Variants in MAPK7 observed in about 807,000 individuals in gnomAD.
MAPK7 encodes the protein BMK-1.
MAPK7 carries 30 observed loss-of-function variants against 56.9 expected under a neutral mutation model. The ratio of observed to expected loss-of-function variants is 0.53; its 90% CI spans 0.39 to 0.72. The LOEUF (loss-of-function observed/expected upper bound fraction) is 0.72, where lower values mean the gene tolerates loss of function less well. Among genes scored for constraint, MAPK7 ranks in the 30% least tolerant of loss-of-function variants. MAPK7 has a pLI of 0.00. For synonymous variants in MAPK7, 516 were observed against 449.3 expected, an observed-to-expected ratio of 1.15 and a Z score of -1.88; for missense variants, 952 against 1,110.8, an observed-to-expected ratio of 0.86 and a Z score of 2.03.
At chr17:19,379,471 G>A in intron 2 of MAPK7, 2 of 556,552 alleles carry the variant, frequency 3.6e-6, no homozygotes. Flanking sequence ...TGAGGTCTGA[G>A]ATGGAGAGGG....
intron 2 of MAPK7, chr17:19,379,481 G>GTGTA (rs1245909574): frequency 3.6e-6 from 2 of 556,464 alleles, no homozygotes; most frequent in Non-Finnish European, 6.4e-6. Context: ...GATGGAGAGG[G>GTGTA]TGTAGGCATA....
In MAPK7 at chr17:19,380,595, C is replaced by T. The variant is rs369337118; in HGVS notation, c.399-13C>T. On this transcript the variant is annotated splice_polypyrimidine_tract_variant and intron_variant, in intron 3 of 6. Transcript: ENST00000395604. Reference sequence around the variant, plus strand: ...AGGCCAACCCATGCTTCTCTCCTTCCTTCCCCTTCCAGCTACGTGGTCCTG... The same window carrying T: ...AGGCCAACCCATGCTTCTCTCCTTCTTTCCCCTTCCAGCTACGTGGTCCTG... 2.5e-5 allele frequency: 40 copies of T among 1,580,352 alleles called. No individual in the cohort carries two copies. The highest frequency in any genetic ancestry group is 3.5e-5 in the Non-Finnish European group (40 of 1,158,860).
Position 19,383,102 on chromosome 17 carries a change from A to G in MAPK7, c.2322A>G (p.Ser774=), listed in dbSNP as rs1912864400. 1 of 1,614,060 alleles carries G rather than the reference A, an allele frequency of 6.2e-7. No homozygotes were observed. Among genetic ancestry groups the G allele is most frequent in the Admixed American group, 1.7e-5 (1 of 60,010 alleles). The change falls in exon 7 of 7, where the codon TCA becomes TCG. Residue 774 remains serine, a synonymous_variant. Coordinates refer to ENST00000395604, the MANE Select transcript of MAPK7 (RefSeq NM_002749.4). ...GCCAGGCAGATTCAGCCTCTCTCTC[A>G]GCCTCCCTGCTTGCTGACTGGCTCG... ...QDGQADSASL[S]ASLLADWLEG...
intron 3 of MAPK7, 172 bp from the exon 4 acceptor site, chr17:19,380,436 C>T (rs747097342): frequency 7.8e-6 from 11 of 1,407,086 alleles, no homozygotes; most frequent in Middle Eastern, 3.7e-4. Context: ...ATGGAAAAGT[C>T]GTAGAGAATC....
Position 19,381,954 on chromosome 17 carries a change from C to T in MAPK7, c.1651C>T (p.Pro551Ser), listed in dbSNP as rs144954037. 1.6e-3 allele frequency: 2,546 copies of T among 1,551,746 alleles called. 27 individuals carry two copies. In the African/African-American group the frequency reaches 0.028, roughly 17 times the overall value. The change falls in exon 5 of 7, where the codon CCC (proline) becomes TCC (serine). Residue 551 changes from proline to serine, a missense_variant. By Grantham distance (74) the Pro-to-Ser change is moderately conservative. Around this residue, in one of 5 missense-constraint regions of MAPK7, gnomAD observed 429 missense variants for 533.0 expected, o/e 0.80. Transcript: ENST00000395604. The surrounding 1 kb of genome is among the most constrained non-coding windows in gnomAD (Gnocchi z 4.6). The stretch of plus-strand genomic sequence containing the variant: ...ACGGGGGGCTGGGGCCTCTGGGGGC[C>T]CCTCCACTGACCCCTTGGCTGGACT... ...KERGAGASGGPSTDPLAGLVL... is the reference protein window; with the variant it reads ...KERGAGASGGSSTDPLAGLVL...
rs777031914 is a variant in MAPK7 at position 19,381,265 on chromosome 17, T to C, written c.1056T>C (p.Asp352=). The C allele has an allele frequency of 2.3e-5, 37 of 1,614,066 alleles. No homozygotes were observed. The East Asian group carries it at 8.0e-4, about 35-fold the overall frequency. ...ACCCTTTCCTGGCCAAGTACCATGATCCTGATGATGAGCCTGACTGTGCCC... is the reference window on the plus strand; with the variant it reads ...ACCCTTTCCTGGCCAAGTACCATGACCCTGATGATGAGCCTGACTGTGCCC... ...LRHPFLAKYH[D]PDDEPDCAPP... is the part of the protein sequence containing the mutation. The change falls in exon 4 of 7, where the codon GAT becomes GAC. Residue 352 remains aspartate, a synonymous_variant. Coordinates refer to ENST00000395604, the MANE Select transcript of MAPK7 (RefSeq NM_002749.4). The surrounding 1 kb of genome is among the most constrained non-coding windows in gnomAD (Gnocchi z 4.6).
rs1343298964 is a variant in MAPK7, at chr17:19,382,348, G to C, written c.2045G>C (p.Gly682Ala). Residue 682 changes from glycine to alanine, a missense_variant, in exon 5 of 7, where the codon GGA becomes GCA. Physicochemically the swap from Gly to Ala is moderately conservative, Grantham distance 60 (BLOSUM62 0). Transcript: ENST00000395604. ...GGGCTGCCTGGCTCCAGCACCCCAG[G>C]AGTTTTGCCTTACTTCCCACCTGGC... ...PPGLPGSSTPGVLPYFPPGLP... is the reference protein window; with the variant it reads ...PPGLPGSSTPAVLPYFPPGLP... 1.9e-6 allele frequency: 3 copies of C among 1,613,498 alleles called. No individual in the cohort carries two copies. The Admixed American group carries it at 5.0e-5, about 27-fold the overall frequency.
Position 19,379,065 on chromosome 17 carries a change from CGAGA to C in MAPK7, c.166_169del (p.Glu56SerfsTer5). 2 of 1,614,104 alleles carry C rather than the reference CGAGA, an allele frequency of 1.2e-6. No homozygotes were observed. Among genetic ancestry groups the C allele is most frequent in the Admixed American group, 1.7e-5 (1 of 60,020 alleles). ...TGACCTTTGACGTGGGCGACGAGTA[CGAGA>C]TCATCGAGACCATAGGCAACGGGGC... On this transcript the variant is annotated frameshift_variant, in exon 2 of 7. Coordinates refer to ENST00000395604, the MANE Select transcript of MAPK7 (RefSeq NM_002749.4). LOFTEE classifies it high-confidence loss of function.
Position 19,381,774 on chromosome 17 carries a change from C to T in MAPK7, c.1478-7C>T. The T allele has an allele frequency of 2.6e-6, 4 of 1,538,372 alleles. No homozygotes were observed. The highest frequency in any genetic ancestry group is 1.3e-5 in the South Asian group (1 of 77,402). On this transcript the variant is annotated splice_polypyrimidine_tract_variant and splice_region_variant and intron_variant, in intron 4 of 6. Transcript: ENST00000395604. This position sits in a 1 kb window ranked among gnomAD's most constrained non-coding sequence, Gnocchi z 4.6. ...TTTACCTTCTCCCCTGCCCAACTTC[C>T]CCGCAGATGGCCCCAGCGCACCCCT...
chr17:19,380,340 T>C, intron 3 of MAPK7: 1 of 752,416 alleles, frequency 1.3e-6, no homozygotes, highest in Non-Finnish European at 1.9e-6. Context: ...AAAGGAAACC[T>C]ATTGGCCAGC....
At position 19,383,324 on chromosome 17, in the gene MAPK7, A is replaced by T. The variant is rs1912885973; in HGVS notation, c.*93A>T. Reference sequence around the variant, plus strand: ...GCTTTAGCCCTGGACCCAGCAGGTGAGGCTCGGCTTGGATTATTCTGCAGG... The same window carrying T: ...GCTTTAGCCCTGGACCCAGCAGGTGTGGCTCGGCTTGGATTATTCTGCAGG... On this transcript the variant is annotated 3_prime_UTR_variant, in exon 7 of 7. Transcript: ENST00000395604. 2.8e-6 allele frequency: 4 copies of T among 1,416,320 alleles called. No individual in the cohort carries two copies. In the South Asian group the frequency reaches 4.0e-5, roughly 14 times the overall value. The allele number at this position is 1,416,320 out of a possible 1,614,324, so 87.7% of individuals were successfully genotyped here. A position where few individuals can be genotyped will look rare whatever the true frequency, so the allele number is the denominator to read the frequency against.
At chr17:19,379,207 C>G (rs1912406122) in intron 2 of MAPK7, 75 bp downstream of exon 2, 1 of 1,361,376 alleles carries the variant, frequency 7.3e-7, no homozygotes, top group Middle Eastern at 2.0e-4. Flanking sequence ...TCCCAGACAG[C>G]CGGGAAGGAA....
intron 3 of MAPK7, 117 bp downstream of exon 3, chr17:19,380,064 C>T (rs1912516261): frequency 8.4e-7 from 1 of 1,195,220 alleles, no homozygotes; most frequent in African/African-American, 1.5e-5. Context: ...GGGAAAATTC[C>T]CGCAGTTCTA....
At chr17:19,378,359 A>G, upstream of MAPK7, 1 of 988,258 alleles carries the variant, frequency 1.0e-6, no homozygotes, top group Non-Finnish European at 1.2e-6. The surrounding 1 kb of genome is among the most constrained non-coding windows in gnomAD (Gnocchi z 5.4). Flanking sequence ...GGCGCGCGCC[A>G]GGCGTGGCTT....
chr17:19,379,581 C>A, intron 2 of MAPK7: 1 of 596,276 alleles, frequency 1.7e-6, no homozygotes, highest in Non-Finnish European at 3.0e-6. Flanking sequence ...CCTATTGGGA[C>A]CTGCCCCGCA....
chr17:19,382,637 C>T (rs1912818159), intron 5 of MAPK7, among the ~76,000 whole-genome samples, 171 bp downstream of exon 5: 1 of 152,256 alleles, frequency 6.6e-6, no homozygotes, highest in South Asian at 2.1e-4. Flanking sequence ...TGTTAGGAGA[C>T]AAGTTAAATA....
chr17:19,382,583 G>A (rs1050050408), intron 5 of MAPK7, 117 bp downstream of exon 5: 16 of 1,494,552 alleles, frequency 1.1e-5, no homozygotes, highest in Non-Finnish European at 1.4e-5. Flanking sequence ...ATCTCTGAAC[G>A]TGTCCTCTTG....
chr17:19,380,350 C>A (rs1567919315), intron 3 of MAPK7: 1 of 877,306 alleles, frequency 1.1e-6, no homozygotes, highest in African/African-American at 1.7e-5. Flanking sequence ...TATTGGCCAG[C>A]CCTGGTGTAG....
chr17:19,378,604 C>T lies in MAPK7; in HGVS notation c.-32C>T. On this transcript the variant is annotated 5_prime_UTR_variant, in exon 1 of 7. Transcript: ENST00000395604. This position sits in a 1 kb window ranked among gnomAD's most constrained non-coding sequence, Gnocchi z 5.4. ...ACGGGAGGCCGGCGAGCCTCGGGAC[C>T]TCTGAAAGCCTTGAGGAGGCGCGGG... 1 of 1,275,306 alleles carries T rather than the reference C, an allele frequency of 7.8e-7. No homozygotes were observed. The highest frequency in any genetic ancestry group is 9.9e-7 in the Non-Finnish European group (1 of 1,007,716). The allele number at this position is 1,275,306 out of a possible 1,614,324, so 79.0% of individuals were successfully genotyped here. A position where few individuals can be genotyped will look rare whatever the true frequency, so the allele number is the denominator to read the frequency against.
Sources: allele counts gnomAD v4.1 joint callset (sites outside exome capture counted in the v4.1 genomes callset), GRCh38; gene constraint gnomAD v4.1.1; regional missense constraint gnomAD v4.1.1; non-coding constraint Gnocchi (gnomAD v3.1); transcripts MANE v1.5; gene names NCBI Gene and HGNC (gene_info 2026-07-23, HGNC 2026-07-21).